Variants in IQCH observed in about 807,000 individuals in gnomAD.
The protein encoded by IQCH is IQ domain-containing protein H.
Under a neutral mutation model 117.0 loss-of-function variants are expected in IQCH, and 98 were observed. The observed-to-expected ratio is 0.84, with a 90% confidence interval of 0.71 to 0.99. IQCH has a LOEUF of 0.99. Ranked by LOEUF, IQCH falls within the 50% of genes least tolerant of loss-of-function variation. The pLI is 0.00. For missense variants in IQCH, 1,102 were observed against 1,243.8 expected, an observed-to-expected ratio of 0.89 and a Z score of 1.72; for synonymous variants, 412 against 448.2, an observed-to-expected ratio of 0.92 and a Z score of 1.02.
At chr15:67,471,951 C>G (rs1427984867) in intron 17 of IQCH, among the ~76,000 whole-genome samples, 3 of 152,094 alleles carry the variant, frequency 2.0e-5, no homozygotes, top group Non-Finnish European at 4.4e-5. Flanking sequence ...CATCAGGAGA[C>G]AAAGATAATT....
In IQCH at chr15:67,264,985, G is replaced by A. The variant is rs560416642; in HGVS notation, c.269+1769G>A. On this transcript the variant is annotated intron_variant, in intron 3 of 20. Transcript: ENST00000335894. ...GGCCTATAGCAGATAGAGAAGGTGT[G>A]TCATCAAAGGATCAAGCATACAAGC... 2.6e-5 allele frequency among the ~76,000 whole-genome samples: 4 copies of A among 152,176 alleles called. No individual in the cohort carries two copies. The South Asian group carries it at 8.3e-4, about 32-fold the overall frequency.
At chr15:67,477,044 CTTTTTTT>C (rs71455553) in intron 18 of IQCH, among the ~76,000 whole-genome samples, 3 of 71,174 alleles carry the variant, frequency 4.2e-5, no homozygotes, top group African/African-American at 5.8e-5. Context: ...TCTTTTTCTT[CTTTTTTT>C]TTTTTTTTTT....
chr15:67,440,434 A>T (rs11853161), intron 16 of IQCH, among the ~76,000 whole-genome samples: 1 of 152,274 alleles, frequency 6.6e-6, no homozygotes, highest in Non-Finnish European at 1.5e-5. Flanking sequence ...ACTACAAACC[A>T]ATATCCTTGA....
At chr15:67,329,763 C>G (rs1342854164) in intron 4 of IQCH, among the ~76,000 whole-genome samples, 3 of 151,922 alleles carry the variant, frequency 2.0e-5, no homozygotes, top group African/African-American at 4.8e-5. Flanking sequence ...GCCGCTGCAC[C>G]TAGCCAAATT....
chr15:67,329,017 G>A (rs1968537058), intron 4 of IQCH, among the ~76,000 whole-genome samples: 1 of 152,096 alleles, frequency 6.6e-6, no homozygotes. Context: ...TGAATATTGT[G>A]GCTGGGCATG....
At chr15:67,341,860 T>C (rs1168832502) in intron 5 of IQCH, among the ~76,000 whole-genome samples, 1 of 152,222 alleles carries the variant, frequency 6.6e-6, no homozygotes, top group Non-Finnish European at 1.5e-5. Context: ...TCCTTCCATG[T>C]GTAAGAATTT....
chr15:67,290,967 T>C (rs569816400), intron 4 of IQCH, among the ~76,000 whole-genome samples: 1 of 152,270 alleles, frequency 6.6e-6, no homozygotes, highest in East Asian at 1.9e-4. Flanking sequence ...AACACTAAAC[T>C]TTCTATAGTC....
chr15:67,427,137 C>T lies in IQCH; in HGVS notation c.2505+5560C>T, dbSNP rs189983324. Among the ~76,000 whole-genome samples, 300 of 152,282 alleles carry T rather than the reference C, an allele frequency of 2.0e-3. No individual in the cohort carries two copies. Among genetic ancestry groups the T allele is most frequent in the Non-Finnish European group, 2.5e-3 (167 of 68,022 alleles). On this transcript the variant is annotated intron_variant, in intron 16 of 20. Transcript: ENST00000335894. This position sits in a 1 kb window ranked among gnomAD's most constrained non-coding sequence, Gnocchi z 4.7. ...GAACACTAAAAAATAAATAACTTCT[C>T]CAACAATGAGAAACTTGAGTCTTTA...
rs941003956 is a variant in IQCH, at chr15:67,425,983, G to C, written c.2505+4406G>C. Among the ~76,000 whole-genome samples the C allele has an allele frequency of 6.6e-6, 1 of 152,210 alleles. No individual in the cohort carries two copies. The highest frequency in any genetic ancestry group is 2.4e-5 in the African/African-American group (1 of 41,454). On this transcript the variant is annotated intron_variant, in intron 16 of 20. Coordinates refer to ENST00000335894, the MANE Select transcript of IQCH (RefSeq NM_001031715.3). The surrounding 1 kb of genome is among the most constrained non-coding windows in gnomAD (Gnocchi z 5.5). ...TGCTCAGTTGTTCCAGATTTGGCCAGTGAGAGACCCTTCAGGGTGTGTCTT... is the reference window on the plus strand; with the variant it reads ...TGCTCAGTTGTTCCAGATTTGGCCACTGAGAGACCCTTCAGGGTGTGTCTT...
chr15:67,377,150 A>G (rs1180873789), intron 10 of IQCH, among the ~76,000 whole-genome samples: 1 of 151,578 alleles, frequency 6.6e-6, no homozygotes, highest in East Asian at 1.9e-4. Flanking sequence ...GAAAAAAAGA[A>G]AGGAGGACTT....
At chr15:67,259,021 TATTCAATTAACATTTACGTAA>T (rs1414527710) in intron 1 of IQCH, among the ~76,000 whole-genome samples, 1 of 152,232 alleles carries the variant, frequency 6.6e-6, no homozygotes, top group Non-Finnish European at 1.5e-5. Flanking sequence ...GGGAGCAAGT[TATTCAATTAACATTTACGTAA>T]ATTCAATTAA....
chr15:67,367,673 A>C (rs919979279), intron 8 of IQCH, among the ~76,000 whole-genome samples: 2 of 151,984 alleles, frequency 1.3e-5, no homozygotes, highest in African/African-American at 4.8e-5. Context: ...AGCCATATGG[A>C]GAGTTCTAGA....
At position 67,490,670 on chromosome 15, in the gene IQCH, G is replaced by T. The variant is rs1246072042; in HGVS notation, c.2861+606G>T. On this transcript the variant is annotated intron_variant, in intron 19 of 20. Coordinates refer to ENST00000335894, the MANE Select transcript of IQCH (RefSeq NM_001031715.3). The surrounding 1 kb of genome is among the most constrained non-coding windows in gnomAD (Gnocchi z 4.9). ...TCACTGATGGGGACCCAGCTCAGTT[G>T]TCCTGCCTGTGGAAGGCAGTTGTCA... 2.0e-5 allele frequency among the ~76,000 whole-genome samples: 3 copies of T among 152,194 alleles called. No homozygotes were observed. Among genetic ancestry groups the T allele is most frequent in the Non-Finnish European group, 2.9e-5 (2 of 68,036 alleles).
Position 67,481,482 on chromosome 15 carries a change from C to T in IQCH, c.2799+5664C>T, listed in dbSNP as rs1262439922. On this transcript the variant is annotated intron_variant, in intron 18 of 20. Transcript: ENST00000335894. The surrounding 1 kb of genome is among the most constrained non-coding windows in gnomAD (Gnocchi z 4.1). ...CCCATGGTTCAGTTACCTCCCACTG[C>T]GTTCCTCCCATGACACGTGGGGATT... Among the ~76,000 whole-genome samples, 2 of 152,138 alleles carry T rather than the reference C, an allele frequency of 1.3e-5. No homozygotes were observed. Among genetic ancestry groups the T allele is most frequent in the African/African-American group, 2.4e-5 (1 of 41,416 alleles).
Position 67,447,811 on chromosome 15 carries a change from C to A in IQCH, c.2506-17316C>A, listed in dbSNP as rs2082424079. Among the ~76,000 whole-genome samples, 1 of 152,158 alleles carries A rather than the reference C, an allele frequency of 6.6e-6. No homozygotes were observed. Among genetic ancestry groups the A allele is most frequent in the Non-Finnish European group, 1.5e-5 (1 of 68,028 alleles). Reference sequence around the variant, plus strand: ...AAAAGCCTGCTGTGGTGAGTCCAAGCAACAGCTTGCGTTTTAGAAAGTGGC... The same window carrying A: ...AAAAGCCTGCTGTGGTGAGTCCAAGAAACAGCTTGCGTTTTAGAAAGTGGC... On this transcript the variant is annotated intron_variant, in intron 16 of 20. Coordinates refer to ENST00000335894, the MANE Select transcript of IQCH (RefSeq NM_001031715.3). The surrounding 1 kb of genome is among the most constrained non-coding windows in gnomAD (Gnocchi z 5.3).
chr15:67,421,158 G>C, intron 15 of IQCH, 133 bp from the exon 16 acceptor site: 1 of 694,870 alleles, frequency 1.4e-6, no homozygotes, highest in East Asian at 2.7e-5. Flanking sequence ...CCATATTACG[G>C]ATAAAGAAAA....
chr15:67,307,100 A>G (rs1967335634), intron 4 of IQCH: 1 of 1,214,264 alleles, frequency 8.2e-7, no homozygotes, highest in South Asian at 3.2e-5. Flanking sequence ...ACTGATTATA[A>G]CTGTTATGAC....
chr15:67,496,868 A>G lies in IQCH; in HGVS notation c.2970+2502A>G, dbSNP rs2083827109. Among the ~76,000 whole-genome samples the G allele has an allele frequency of 6.6e-6, 1 of 150,694 alleles. No homozygotes were observed. The highest frequency in any genetic ancestry group is 1.9e-4 in the East Asian group (1 of 5,138). ...CCCGTCTCTACTAAAAATACAAAAA[A>G]TTAGCCGGGCACGGTGGCGGGCGCC... On this transcript the variant is annotated intron_variant, in intron 20 of 20. Transcript: ENST00000335894. The surrounding 1 kb of genome is among the most constrained non-coding windows in gnomAD (Gnocchi z 4.4).
chr15:67,428,879 A>G (rs2081955517), intron 16 of IQCH, among the ~76,000 whole-genome samples: 1 of 150,326 alleles, frequency 6.7e-6, no homozygotes, highest in African/African-American at 2.4e-5. Flanking sequence ...AGAGAGAGGC[A>G]GGGGGATCAT....
Sources: allele counts gnomAD v4.1 joint callset (sites outside exome capture counted in the v4.1 genomes callset), GRCh38; gene constraint gnomAD v4.1.1; non-coding constraint Gnocchi (gnomAD v3.1); transcripts MANE v1.5; gene names NCBI Gene and HGNC (gene_info 2026-07-23, HGNC 2026-07-21).